PRDM5: variants seen among roughly 807,000 people sequenced by gnomAD.
PRDM5 encodes PR domain zinc finger protein 5.
In PRDM5, 56 loss-of-function variants were observed where a neutral mutation model predicts 81.2. That is an observed-to-expected ratio of 0.69 (90% CI 0.56 to 0.86). PRDM5 has a LOEUF of 0.86. PRDM5 is among the 40% of genes least tolerant of loss of function. The pLI, the probability that PRDM5 is intolerant of heterozygous loss-of-function variation, is 0.00. For missense variants in PRDM5, 697 were observed against 770.1 expected, an observed-to-expected ratio of 0.91 and a Z score of 1.12; for synonymous variants, 267 against 256.4, an observed-to-expected ratio of 1.04 and a Z score of -0.39.
At chr4:120,803,464 G>A (rs539026325) in intron 8 of PRDM5, among the ~76,000 whole-genome samples, 3 of 152,206 alleles carry the variant, frequency 2.0e-5, no homozygotes, top group South Asian at 2.1e-4. Context: ...GAGAAAGGTC[G>A]GGTTACCCAG....
chr4:120,814,230 C>G (rs1754207799), intron 7 of PRDM5, among the ~76,000 whole-genome samples: 1 of 152,166 alleles, frequency 6.6e-6, no homozygotes, highest in Non-Finnish European at 1.5e-5. Flanking sequence ...TCTTAAGTAA[C>G]TGTGAGGAGC....
intron 14 of PRDM5, among the ~76,000 whole-genome samples, chr4:120,743,845 C>T (rs1224178032): frequency 4.1e-5 from 6 of 147,300 alleles, no homozygotes; most frequent in African/African-American, 1.3e-4. Flanking sequence ...ACTTTAACAC[C>T]CCACTGTCAA....
chr4:120,904,770 T>C (rs1385298423), intron 2 of PRDM5, among the ~76,000 whole-genome samples: 1 of 152,196 alleles, frequency 6.6e-6, no homozygotes, highest in African/African-American at 2.4e-5. Context: ...AAAATTATTA[T>C]CTGTTTAACA....
chr4:120,782,024 G>A (rs1026905653), intron 11 of PRDM5, among the ~76,000 whole-genome samples: 3 of 152,158 alleles, frequency 2.0e-5, no homozygotes, highest in Non-Finnish European at 2.9e-5. Flanking sequence ...AGCAACCTCA[G>A]AAAACATATA....
chr4:120,704,842 G>A (rs1322565003), intron 15 of PRDM5, among the ~76,000 whole-genome samples: 1 of 152,108 alleles, frequency 6.6e-6, no homozygotes, highest in African/African-American at 2.4e-5. Flanking sequence ...GACAGGGAGG[G>A]GGAAGAAGAT....
chr4:120,847,823 AG>A (rs34513761), intron 3 of PRDM5, among the ~76,000 whole-genome samples: 9,262 of 152,222 alleles, frequency 0.061, 446 homozygotes, highest in Middle Eastern at 0.17. Context: ...AGGTTATAAA[AG>A]ATTCTGTTTT....
At chr4:120,796,405 T>A (rs530433277) in intron 10 of PRDM5, among the ~76,000 whole-genome samples, 1 of 152,352 alleles carries the variant, frequency 6.6e-6, no homozygotes, top group African/African-American at 2.4e-5. Context: ...TACTTTTATA[T>A]GATTTATGGC....
chr4:120,891,243 T>C (rs1764009829), intron 2 of PRDM5, among the ~76,000 whole-genome samples: 1 of 152,204 alleles, frequency 6.6e-6, no homozygotes, highest in Non-Finnish European at 1.5e-5. Flanking sequence ...ATTCCATTTC[T>C]TCCTGGTTCA....
rs1725130680 is a variant in PRDM5, at chr4:120,922,712, AG to A, written c.-105del. The A allele has an allele frequency of 6.9e-7, 1 of 1,447,522 alleles. No homozygotes were observed. The allele number at this position is 1,447,522 out of a possible 1,614,324, so 89.7% of individuals were successfully genotyped here. Reference sequence around the variant, plus strand: ...GCCAGGGTAGAGGGGAGAAACCGGCAGGGAAGGAGGAAATGGAGTTTTCCTC... The same window carrying A: ...GCCAGGGTAGAGGGGAGAAACCGGCAGGAAGGAGGAAATGGAGTTTTCCTC... On this transcript the variant is annotated 5_prime_UTR_variant, in exon 1 of 16. Transcript: ENST00000264808.
intron 5 of PRDM5, among the ~76,000 whole-genome samples, chr4:120,817,289 TC>T (rs1447457409): frequency 2.6e-5 from 4 of 152,308 alleles, no homozygotes; most frequent in Non-Finnish European, 5.9e-5. Context: ...AGCACAATTT[TC>T]ATCTCAATTT....
downstream of PRDM5, among the ~76,000 whole-genome samples, chr4:120,690,319 C>T (rs1194421407): frequency 1.3e-5 from 2 of 152,092 alleles, no homozygotes; most frequent in Admixed American, 6.6e-5. Flanking sequence ...TCATATGCTA[C>T]GTATGAAGCA....
At chr4:120,844,386 C>T (rs180869681) in intron 3 of PRDM5, among the ~76,000 whole-genome samples, 4 of 152,248 alleles carry the variant, frequency 2.6e-5, no homozygotes, top group East Asian at 3.9e-4. Flanking sequence ...AACTCTACAT[C>T]GAGCTAGTTT....
At chr4:120,909,804 C>T (rs1766282873) in intron 1 of PRDM5, among the ~76,000 whole-genome samples, 1 of 149,830 alleles carries the variant, frequency 6.7e-6, no homozygotes, top group Admixed American at 6.7e-5. Flanking sequence ...AAGCAGAATG[C>T]TGATTTTAAA....
chr4:120,799,542 A>G, intron 9 of PRDM5, 119 bp downstream of exon 9: 6 of 1,446,392 alleles, frequency 4.1e-6, no homozygotes, highest in Non-Finnish European at 5.5e-6. Context: ...TGACTACTAA[A>G]GGTCCAAAGC....
chr4:120,722,899 T>C (rs1738839171), intron 14 of PRDM5, among the ~76,000 whole-genome samples: 1 of 152,130 alleles, frequency 6.6e-6, no homozygotes, highest in Non-Finnish European at 1.5e-5. Flanking sequence ...GCAGGAGACA[T>C]GAGAAAAGCT....
chr4:120,720,390 G>A (rs1033722038), intron 14 of PRDM5, among the ~76,000 whole-genome samples: 1 of 152,174 alleles, frequency 6.6e-6, no homozygotes, highest in Non-Finnish European at 1.5e-5. Context: ...CGTTTAGCAT[G>A]ATGGGCTTTG....
intron 3 of PRDM5, among the ~76,000 whole-genome samples, chr4:120,827,807 C>A (rs946770325): frequency 5.3e-5 from 8 of 152,024 alleles, no homozygotes; most frequent in Non-Finnish European, 1.5e-5. Flanking sequence ...GCTTTGGAAC[C>A]CGATTAGGAA....
intron 2 of PRDM5, among the ~76,000 whole-genome samples, chr4:120,891,162 G>C (rs905742831): frequency 1.3e-5 from 2 of 152,016 alleles, no homozygotes; most frequent in African/African-American, 4.8e-5. Flanking sequence ...ATCTGGTCTC[G>C]GGCTTTTTCT....
rs1751640697 is a variant in PRDM5 at position 120,798,409 on chromosome 4, T to C, written c.1046A>G (p.Asn349Ser). The C allele has an allele frequency of 6.2e-7, 1 of 1,607,978 alleles. No individual in the cohort carries two copies. The highest frequency in any genetic ancestry group is 1.1e-5 in the South Asian group (1 of 90,978). ...GAAAGACTTATTACAAATCTCGCAA[T>C]TATAGGGTCGTTTTTCTATTAAAAA... Reference protein sequence around the residue: ...MITHSEKRPYNCEICNKSFKR... With the variant: ...MITHSEKRPYSCEICNKSFKR... Residue 349 changes from asparagine (N) to serine (S), a missense_variant, in exon 10 of 16, where the codon AAT becomes AGT. Transcript: ENST00000264808.
Sources: gnomAD v4.1 joint callset for allele counts (sites outside exome capture counted in the v4.1 genomes callset) on GRCh38, gnomAD v4.1.1 for gene constraint, MANE v1.5 for transcripts, NCBI Gene and HGNC (gene_info 2026-07-23, HGNC 2026-07-21) for gene names.